Variants in ANKRD30B observed in about 807,000 individuals in gnomAD.
The protein encoded by ANKRD30B is ankyrin repeat domain-containing protein 30B.
ANKRD30B carries 144 observed loss-of-function variants against 202.2 expected under a neutral mutation model. The ratio of observed to expected loss-of-function variants is 0.71; its 90% CI spans 0.62 to 0.82. The LOEUF (loss-of-function observed/expected upper bound fraction) is 0.82. ANKRD30B is among the 40% of genes least tolerant of loss of function. The probability of loss-of-function intolerance (pLI) is 0.00; values close to 1 mark genes in which losing one functional copy is unlikely to be tolerated. For missense variants in ANKRD30B, 1,487 were observed against 1,669.1 expected (o/e 0.89, Z 1.90); for synonymous variants, 508 against 561.3 (o/e 0.91, Z 1.34).
At chr18:14,838,839 ATGT>A (rs1479101434) in intron 36 of ANKRD30B, among the ~76,000 whole-genome samples, 1 of 152,262 alleles carries the variant, frequency 6.6e-6, no homozygotes, top group Non-Finnish European at 1.5e-5. Flanking sequence ...TGATGAAATA[ATGT>A]TGTAACAAAT....
chr18:14,918,656 GA>G, the ANKRD30B span, among the ~76,000 whole-genome samples: 2 of 151,920 alleles, frequency 1.3e-5, no homozygotes, highest in Non-Finnish European at 1.5e-5. Flanking sequence ...CCCTCATCAA[GA>G]AAAAAACTGT....
At chr18:14,911,971 G>T in the ANKRD30B span, among the ~76,000 whole-genome samples, 1 of 152,060 alleles carries the variant, frequency 6.6e-6, no homozygotes, top group Admixed American at 6.6e-5. Flanking sequence ...CATTAATTTT[G>T]TATTATGAAA....
chr18:14,851,237 G>GTTT (rs375734323), intron 41 of ANKRD30B, among the ~76,000 whole-genome samples: 12 of 141,250 alleles, frequency 8.5e-5, no homozygotes, highest in African/African-American at 2.6e-4. Context: ...TTCAGGGAAA[G>GTTT]TTTTTTTTTT....
chr18:14,787,429 A>G (rs1968160047), intron 15 of ANKRD30B, among the ~76,000 whole-genome samples: 1 of 152,210 alleles, frequency 6.6e-6, no homozygotes, highest in Admixed American at 6.5e-5. Flanking sequence ...ATGGGCAAAT[A>G]CATGATTCTG....
chr18:14,800,347 G>A (rs1969230693), intron 22 of ANKRD30B, among the ~76,000 whole-genome samples: 1 of 149,390 alleles, frequency 6.7e-6, no homozygotes, highest in African/African-American at 2.5e-5. Flanking sequence ...TCGCTGTCTC[G>A]CCCATCTCGT....
At chr18:14,797,219 C>A (rs553794337) in intron 18 of ANKRD30B, among the ~76,000 whole-genome samples, 2 of 152,070 alleles carry the variant, frequency 1.3e-5, no homozygotes, top group Non-Finnish European at 2.9e-5. Flanking sequence ...CCCCCCCATG[C>A]GTCTGTTTAT....
chr18:14,835,317 A>G (rs1238562519), intron 34 of ANKRD30B, among the ~76,000 whole-genome samples: 2 of 151,540 alleles, frequency 1.3e-5, no homozygotes, highest in African/African-American at 4.8e-5. Context: ...GTATTTGTCA[A>G]TTGTTTTAAA....
chr18:14,875,944 A>T, the ANKRD30B span, among the ~76,000 whole-genome samples: 5 of 152,072 alleles, frequency 3.3e-5, no homozygotes, highest in Admixed American at 6.5e-5. Flanking sequence ...CTGCTACATC[A>T]TAGTAGAGGC....
At position 14,852,436 on chromosome 18, in the gene ANKRD30B, T is replaced by C; in HGVS notation, c.4476+16T>C. On this transcript the variant is annotated intron_variant, in intron 42 of 43. Transcript: ENST00000690538. ...AGAAAGAGAAGTAAGTATCAAAAAA[T>C]ATAAATACTTTTCAAACTTCCTGAA... The C allele has an allele frequency of 6.6e-7, 1 of 1,510,224 alleles. No individual in the cohort carries two copies. The highest frequency in any genetic ancestry group is 8.8e-7 in the Non-Finnish European group (1 of 1,136,304). The allele number at this position is 1,510,224 out of a possible 1,614,324, so 93.6% of individuals were successfully genotyped here. A position where few individuals can be genotyped will look rare whatever the true frequency, so the allele number is the denominator to read the frequency against.
intron 26 of ANKRD30B, among the ~76,000 whole-genome samples, chr18:14,809,407 A>G (rs1278752227): frequency 6.6e-6 from 1 of 150,818 alleles, no homozygotes; most frequent in Non-Finnish European, 1.5e-5. Flanking sequence ...TAGAAACACA[A>G]TGTGAAGCTA....
the ANKRD30B span, among the ~76,000 whole-genome samples, chr18:14,867,823 C>T: frequency 6.6e-6 from 1 of 152,192 alleles, no homozygotes; most frequent in African/African-American, 2.4e-5. Flanking sequence ...AGAGCCTTCG[C>T]CAAAACTGGC....
chr18:14,796,468 G>C, intron 18 of ANKRD30B, 53 bp downstream of exon 18: 4 of 1,490,172 alleles, frequency 2.7e-6, no homozygotes, highest in South Asian at 1.4e-5. Flanking sequence ...TAAACTATTT[G>C]AAATGCCGAG....
At chr18:14,879,806 G>A in the ANKRD30B span, among the ~76,000 whole-genome samples, 3 of 151,998 alleles carry the variant, frequency 2.0e-5, no homozygotes, top group African/African-American at 7.2e-5. Context: ...AGGGTCAGGG[G>A]TCAGGGTCAG....
chr18:14,852,523 A>C (rs2143279272), intron 42 of ANKRD30B, 103 bp downstream of exon 42: 1 of 1,344,356 alleles, frequency 7.4e-7, no homozygotes, highest in Admixed American at 3.3e-5. Context: ...AATAGATGAT[A>C]AATGTACTTA....
At chr18:14,869,122 G>T in the ANKRD30B span, among the ~76,000 whole-genome samples, 9 of 152,330 alleles carry the variant, frequency 5.9e-5, no homozygotes, top group East Asian at 1.7e-3. Flanking sequence ...GTCGCCTCTT[G>T]TTGAGTAGAC....
At chr18:14,834,029 CT>C (rs772802082) in intron 34 of ANKRD30B, among the ~76,000 whole-genome samples, 1 of 152,088 alleles carries the variant, frequency 6.6e-6, no homozygotes, top group African/African-American at 2.4e-5. Flanking sequence ...ATGATTTATT[CT>C]TTTTTCTCTG....
the ANKRD30B span, among the ~76,000 whole-genome samples, chr18:14,919,123 C>T: frequency 6.6e-6 from 1 of 152,162 alleles, no homozygotes; most frequent in African/African-American, 2.4e-5. Flanking sequence ...ACTAGGTCAC[C>T]ATCCCATTTT....
chr18:14,923,584 A>C, the ANKRD30B span, among the ~76,000 whole-genome samples: 1 of 151,930 alleles, frequency 6.6e-6, no homozygotes, highest in South Asian at 2.1e-4. Context: ...AGAACTCACC[A>C]CCCTGAAGGG....
At chr18:14,749,207 A>C (rs1469323412) in intron 1 of ANKRD30B, among the ~76,000 whole-genome samples, 1 of 152,200 alleles carries the variant, frequency 6.6e-6, no homozygotes, top group Non-Finnish European at 1.5e-5. Flanking sequence ...ATTTAAGAAG[A>C]CTCATTTTTC....
Sources: gnomAD v4.1 joint callset for allele counts (sites outside exome capture counted in the v4.1 genomes callset) on GRCh38, gnomAD v4.1.1 for gene constraint, MANE v1.5 for transcripts, NCBI Gene and HGNC (gene_info 2026-07-23, HGNC 2026-07-21) for gene names.